AGK: variants seen among roughly 807,000 people sequenced by gnomAD.
AGK encodes acylglycerol kinase.
A neutral mutation model predicts 66.4 loss-of-function variants in AGK; 52 were observed. That is an observed-to-expected ratio of 0.78 (90% confidence interval 0.63 to 0.99). The LOEUF (loss-of-function observed/expected upper bound fraction) is 0.99, where lower values mean the gene tolerates loss of function less well. Among genes scored for constraint, AGK ranks in the 50% least tolerant of loss-of-function variants. The pLI, the probability that AGK is intolerant of heterozygous loss-of-function variation, is 0.00. For synonymous variants in AGK, 182 were observed against 181.1 expected (o/e 1.00, Z -0.04); for missense variants, 451 against 506.6 (o/e 0.89, Z 1.05).
intron 13 of AGK, among the ~76,000 whole-genome samples, chr7:141,645,830 C>G (rs1340044187): frequency 6.6e-6 from 1 of 152,084 alleles, no homozygotes; most frequent in African/African-American, 2.4e-5. Flanking sequence ...TCTGTCAAAG[C>G]AATAAAATGA....
intron 8 of AGK, chr7:141,616,258 G>C (rs1796699466): frequency 6.6e-6 from 1 of 152,210 alleles, no homozygotes; most frequent in African/African-American, 2.4e-5. Context: ...GCAAATAGTT[G>C]TCAAGAAGAC....
chr7:141,629,092 A>C (rs1797002436), intron 9 of AGK, among the ~76,000 whole-genome samples: 1 of 151,974 alleles, frequency 6.6e-6, no homozygotes. Flanking sequence ...GGCTTTGATG[A>C]TTCTCTTAAG....
intron 2 of AGK, among the ~76,000 whole-genome samples, chr7:141,568,003 C>T (rs1399999466): frequency 2.6e-5 from 4 of 152,132 alleles, no homozygotes; most frequent in Non-Finnish European, 5.9e-5. Flanking sequence ...ATCCTGTCTG[C>T]TAGATTTAAG....
chr7:141,588,629 AAG>A (rs1796043178), intron 2 of AGK, among the ~76,000 whole-genome samples: 1 of 152,104 alleles, frequency 6.6e-6, no homozygotes, highest in Admixed American at 6.5e-5. Flanking sequence ...AAAAAAAAAA[AAG>A]AAAGTAAAAG....
chr7:141,601,149 G>C, intron 4 of AGK, 56 bp from the exon 5 acceptor site: 1 of 1,331,118 alleles, frequency 7.5e-7, no homozygotes, highest in Non-Finnish European at 1.1e-6. Context: ...AAGGCTTTTT[G>C]TTCTTGCTCT....
At chr7:141,602,553 ATTGT>A (rs1244365527) in intron 5 of AGK, among the ~76,000 whole-genome samples, 1 of 151,920 alleles carries the variant, frequency 6.6e-6, no homozygotes, top group African/African-American at 2.4e-5. Context: ...CATTCTCAAT[ATTGT>A]TTATTTGTAC....
intron 13 of AGK, among the ~76,000 whole-genome samples, chr7:141,647,389 T>A (rs968298024): frequency 3.3e-5 from 5 of 152,298 alleles, no homozygotes; most frequent in African/African-American, 9.6e-5. Flanking sequence ...CTTCCTCACT[T>A]GTTGCCCCTG....
At chr7:141,625,604 C>G (rs573978233) in intron 9 of AGK, among the ~76,000 whole-genome samples, 1 of 152,120 alleles carries the variant, frequency 6.6e-6, no homozygotes, top group Non-Finnish European at 1.5e-5. Context: ...ACAAGTAATT[C>G]GTCTACCTCA....
At chr7:141,609,745 T>A (rs959106532) in intron 5 of AGK, among the ~76,000 whole-genome samples, 1 of 152,208 alleles carries the variant, frequency 6.6e-6, no homozygotes, top group African/African-American at 2.4e-5. Context: ...CTAATCACCT[T>A]GCTGATCTTT....
intron 9 of AGK, among the ~76,000 whole-genome samples, chr7:141,632,260 A>C (rs1797074828): frequency 6.6e-6 from 1 of 151,854 alleles, no homozygotes; most frequent in South Asian, 2.1e-4. Context: ...AAAACCCACA[A>C]AATTTAAAAA....
intron 13 of AGK, 116 bp downstream of exon 13, chr7:141,642,024 C>A: frequency 2.2e-6 from 2 of 911,560 alleles, no homozygotes; most frequent in Admixed American, 2.2e-5. Flanking sequence ...ATAGAGAGGG[C>A]AGTGTCAGGA....
chr7:141,636,908 A>T, intron 10 of AGK, 52 bp from the exon 11 acceptor site: 1 of 1,441,828 alleles, frequency 6.9e-7, no homozygotes, highest in South Asian at 1.2e-5. Context: ...TATCTATCAC[A>T]TGATAGTTCT....
intron 5 of AGK, among the ~76,000 whole-genome samples, chr7:141,604,226 C>G (rs1488019734): frequency 6.6e-6 from 1 of 151,380 alleles, no homozygotes; most frequent in African/African-American, 2.4e-5. Context: ...GAAATAATCT[C>G]AAACTTATAA....
At chr7:141,551,469 G>A (rs2116835149) in intron 1 of AGK, 35 bp downstream of exon 1, 1 of 153,398 alleles carries the variant, frequency 6.5e-6, no homozygotes, top group South Asian at 2.1e-4. Flanking sequence ...GGAGCGCAGT[G>A]CGGGTCGCTG....
chr7:141,576,423 T>TA (rs1170129275), intron 2 of AGK, among the ~76,000 whole-genome samples: 1 of 151,566 alleles, frequency 6.6e-6, no homozygotes, highest in Admixed American at 6.6e-5. Context: ...AGAGCAGGGG[T>TA]ACCAGCCAGA....
rs58585319 is a variant in AGK, at chr7:141,652,229, G to A, written c.1132-558G>A. Among the ~76,000 whole-genome samples the A allele has an allele frequency of 1.3e-3, 199 of 152,270 alleles. 2 individuals are homozygous for A. Among genetic ancestry groups the A allele is most frequent in the East Asian group, 0.012 (61 of 5,184 alleles). ...AGAAGGTATCCCCATAGTGACTGGC[G>A]TCACAGTTTCGATATAAATATTGAA... is the stretch of plus-strand genomic sequence containing the variant. On this transcript the variant is annotated intron_variant, in intron 15 of 15. Transcript: ENST00000649286.
At chr7:141,593,009 T>C (rs754623139) in intron 2 of AGK, 137 bp from the exon 3 acceptor site, 9 of 707,206 alleles carry the variant, frequency 1.3e-5, no homozygotes, top group Non-Finnish European at 1.9e-5. Flanking sequence ...CGGCCTGTTA[T>C]CAGGTTTTTA....
chr7:141,588,734 G>T (rs768839177), intron 2 of AGK, among the ~76,000 whole-genome samples: 57 of 152,166 alleles, frequency 3.7e-4, no homozygotes, highest in Non-Finnish European at 6.8e-4. Context: ...TAAACAGGGG[G>T]TGGATTATTC....
Position 141,566,384 on chromosome 7 carries a change from A to G in AGK, c.101+10817A>G, listed in dbSNP as rs182540200. 1.9e-3 allele frequency among the ~76,000 whole-genome samples: 288 copies of G among 152,328 alleles called. 1 individual carries two copies. Among genetic ancestry groups the G allele is most frequent in the South Asian group, 3.1e-3 (15 of 4,824 alleles). ...AGTACATAGAAGATACTTGACACACATTTTATTTATGAAAGATGGAACAAA... is the reference window on the plus strand; with the variant it reads ...AGTACATAGAAGATACTTGACACACGTTTTATTTATGAAAGATGGAACAAA... On this transcript the variant is annotated intron_variant, in intron 2 of 15. Coordinates refer to ENST00000649286, the MANE Select transcript of AGK (RefSeq NM_018238.4).
Sources: gnomAD v4.1 joint callset for allele counts (sites outside exome capture counted in the v4.1 genomes callset) on GRCh38, gnomAD v4.1.1 for gene constraint, MANE v1.5 for transcripts, NCBI Gene and HGNC (gene_info 2026-07-23, HGNC 2026-07-21) for gene names.